The following KCP variants were observed in gnomAD, a reference collection of about 807,000 sequenced individuals.
The protein encoded by KCP is kielin/chordin-like protein.
In KCP, 194 loss-of-function variants were observed where a neutral mutation model predicts 212.7. The ratio of observed to expected loss-of-function variants is 0.91; its 90% CI spans 0.81 to 1.03. The LOEUF is 1.03. KCP is among the 50% of genes least tolerant of loss of function. The pLI, the probability that KCP is intolerant of heterozygous loss-of-function variation, is 0.00. For missense variants in KCP, 2,080 were observed against 2,162.5 expected (o/e 0.96, Z 0.76); for synonymous variants, 833 against 865.3 (o/e 0.96, Z 0.65).
chr7:128,892,416 A>T, intron 16 of KCP, 98 bp downstream of exon 16: 1 of 852,282 alleles, frequency 1.2e-6, no homozygotes, highest in Non-Finnish European at 1.8e-6. Context: ...ACAATTCAGA[A>T]GGCCATTGCT....
Position 128,877,063 on chromosome 7 carries a change from C to T in KCP, c.4867G>A (p.Glu1623Lys). The change falls in exon 40 of 40, where the codon GAG becomes AAG. Residue 1623 changes from glutamate (E) to lysine (K), a missense_variant. Transcript: ENST00000610776. ...CTGGCTCAGGGTGTCTCCTGGGGCT[C>T]CCGGCTGGGGCTGGGCCGAGCACCA... ...PLGARPSPSR[E>K]PQETP 1 of 1,528,694 alleles carries T rather than the reference C, an allele frequency of 6.5e-7. No individual in the cohort carries two copies. 94.7% of individuals were successfully genotyped at this position (1,528,694 alleles called of 1,614,324 possible).
In KCP at chr7:128,877,668, G is replaced by A. The variant is rs1234609116; in HGVS notation, c.4434C>T (p.Ser1478=). 68 of 1,551,420 alleles carry A rather than the reference G, an allele frequency of 4.4e-5. No individual in the cohort carries two copies. Among genetic ancestry groups the A allele is most frequent in the Non-Finnish European group, 5.5e-5 (63 of 1,146,992 alleles). ...CCACAGCATGGCAGCGACTGAATGG[G>A]GAGGACTTCAGCACCCCACACCGGG... ...ANARCGVLKS[S]PFSRCHAVVP... is the part of the protein sequence containing the mutation. The change falls in exon 39 of 40, where the codon TCC becomes TCT. Residue 1478 remains serine (S), a synonymous_variant. Coordinates refer to ENST00000610776, the MANE Select transcript of KCP (RefSeq NM_001366122.1).
chr7:128,890,575 T>C (rs1794035054), intron 20 of KCP, 62 bp from the exon 21 acceptor site: 4 of 1,198,288 alleles, frequency 3.3e-6, no homozygotes, highest in Non-Finnish European at 4.3e-6. Context: ...GACTTGGTGG[T>C]CGTGGGGTTG....
chr7:128,906,810 G>T (rs1050641875), intron 4 of KCP, among the ~76,000 whole-genome samples: 1 of 148,924 alleles, frequency 6.7e-6, no homozygotes, highest in Non-Finnish European at 1.5e-5. Context: ...TGCGGTTTTT[G>T]CCATTAAAAG....
At chr7:128,887,135 T>A in intron 23 of KCP, 80 bp downstream of exon 23, 2 of 1,284,562 alleles carry the variant, frequency 1.6e-6, no homozygotes, top group Non-Finnish European at 2.2e-6. Flanking sequence ...GCCACCTGAG[T>A]GGAGGAGACA....
At position 128,876,979 on chromosome 7, in the gene KCP, G is replaced by GT; in HGVS notation, c.*63dup. On this transcript the variant is annotated 3_prime_UTR_variant, in exon 40 of 40. Transcript: ENST00000610776. ...CATTCTCTCCATAGCCCTAACCAGG[G>GT]TGGGAACTGCTCGCCAAGGGGAGAC... 3.3e-6 allele frequency: 5 copies of GT among 1,514,120 alleles called. No individual in the cohort carries two copies. Among genetic ancestry groups the GT allele is most frequent in the Non-Finnish European group, 4.4e-6 (5 of 1,133,718 alleles). 93.8% of individuals were successfully genotyped at this position (1,514,120 alleles called of 1,614,324 possible).
In KCP at chr7:128,879,550, A is replaced by C; in HGVS notation, c.4118T>G (p.Val1373Gly). Residue 1373 changes from valine to glycine, a missense_variant, in exon 37 of 40, where the codon GTG (valine) becomes GGG (glycine). By Grantham distance (109) the Val-to-Gly change is moderately radical. Coordinates refer to ENST00000610776, the MANE Select transcript of KCP (RefSeq NM_001366122.1). ...GAGCCCGGGCTGGGCGTGCAGGATC[A>C]CAGTGTGTCCTCGCAGCTCCACATA... ...LLYVELRGHT[V>G]ILHAQPGLQV... is the part of the protein sequence containing the mutation. The C allele has an allele frequency of 2.6e-6, 4 of 1,550,122 alleles. No homozygotes were observed. The highest frequency in any genetic ancestry group is 3.5e-6 in the Non-Finnish European group (4 of 1,146,794).
chr7:128,909,946 C>T (rs1197512990), intron 1 of KCP, among the ~76,000 whole-genome samples: 1 of 152,192 alleles, frequency 6.6e-6, no homozygotes, highest in African/African-American at 2.4e-5. Context: ...GTCTCAGCAT[C>T]TGAAACCTTC....
Position 128,894,300 on chromosome 7 carries a change from G to T in KCP, c.832-7C>A. ...GGCACTGGATGTGACCCTCCTGGTGGGGAGAATGAACAGGGGAAGGGGCCG... is the reference window on the plus strand; with the variant it reads ...GGCACTGGATGTGACCCTCCTGGTGTGGAGAATGAACAGGGGAAGGGGCCG... On this transcript the variant is annotated splice_polypyrimidine_tract_variant and splice_region_variant and intron_variant, in intron 8 of 39. Coordinates refer to ENST00000610776, the MANE Select transcript of KCP (RefSeq NM_001366122.1). 1.3e-6 allele frequency: 2 copies of T among 1,530,368 alleles called. No individual in the cohort carries two copies. The highest frequency in any genetic ancestry group is 8.8e-7 in the Non-Finnish European group (1 of 1,134,126). 94.8% of individuals were successfully genotyped at this position (1,530,368 alleles called of 1,614,324 possible). A position where few individuals can be genotyped will look rare whatever the true frequency, so the allele number is the denominator to read the frequency against.
chr7:128,882,013 G>T lies in KCP; in HGVS notation c.3248C>A (p.Ala1083Asp). The T allele has an allele frequency of 6.4e-7, 1 of 1,550,870 alleles. No homozygotes were observed. The highest frequency in any genetic ancestry group is 8.7e-7 in the Non-Finnish European group (1 of 1,146,732). ...PQHCCPTCAE[A>D]LSNCSEGLLG... ...CAGGCCCTCTGAACAGTTACTCAAG[G>T]CCTCTGTGAAGACAAGAATCCAGAG... The change falls in exon 30 of 40, where the codon GCC becomes GAC. Residue 1083 changes from alanine (A) to aspartate (D), a missense_variant. Coordinates refer to ENST00000610776, the MANE Select transcript of KCP (RefSeq NM_001366122.1).
chr7:128,879,107 A>G (rs1793163216), intron 37 of KCP: 3 of 342,098 alleles, frequency 8.8e-6, no homozygotes, highest in Non-Finnish European at 5.4e-6. Flanking sequence ...CCCTTATTCT[A>G]CGAATTTACG....
chr7:128,904,101 G>A lies in KCP; in HGVS notation c.609C>T (p.Val203=). The A allele has an allele frequency of 6.4e-7, 1 of 1,551,688 alleles. No homozygotes were observed. Residue 203 remains valine, a synonymous_variant, in exon 6 of 40, where the codon GTC becomes GTT. Transcript: ENST00000610776. The part of the protein sequence containing the change: ...DYEGQLYEEG[V]TFLSSSNPCL... The stretch of plus-strand genomic sequence containing the variant: ...AAGGGTTGGAGCTGGACAGGAAGGT[G>A]ACCCCCTCCTCATAAAGCTGCCCCT...
chr7:128,894,153 C>T (rs1243181983), intron 9 of KCP, 47 bp downstream of exon 9: 1 of 1,508,380 alleles, frequency 6.6e-7, no homozygotes, highest in Non-Finnish European at 8.9e-7. Context: ...TCAATTTTCT[C>T]CAGGTTGCCC....
intron 8 of KCP, among the ~76,000 whole-genome samples, chr7:128,897,053 G>A (rs1794574845): frequency 1.3e-5 from 2 of 152,138 alleles, no homozygotes; most frequent in Admixed American, 6.6e-5. Flanking sequence ...CAAGCTGGGT[G>A]AATGAATAGT....
In KCP at chr7:128,880,139, C is replaced by A. The variant is rs746521377; in HGVS notation, c.3760-54G>T. 15 of 1,461,980 alleles carry A rather than the reference C, an allele frequency of 1.0e-5. No individual in the cohort carries two copies. The East Asian group carries it at 3.7e-4, about 36-fold the overall frequency. The allele number at this position is 1,461,980 out of a possible 1,614,324, so 90.6% of individuals were successfully genotyped here. On this transcript the variant is annotated intron_variant, in intron 34 of 39. Coordinates refer to ENST00000610776, the MANE Select transcript of KCP (RefSeq NM_001366122.1). Reference sequence around the variant, plus strand: ...ACACCGCCCTCCCCGCCATGCCTCTCGCAGACCCTCCCAGAAAACCAAGCA... The same window carrying A: ...ACACCGCCCTCCCCGCCATGCCTCTAGCAGACCCTCCCAGAAAACCAAGCA...
chr7:128,903,483 G>T, intron 7 of KCP: 1 of 567,692 alleles, frequency 1.8e-6, no homozygotes, highest in Non-Finnish European at 3.1e-6. Context: ...GCACAAAGTA[G>T]AAAGCAAACA....
At chr7:128,903,491 A>C (rs1794964056) in intron 7 of KCP, 1 of 572,548 alleles carries the variant, frequency 1.7e-6, no homozygotes, top group South Asian at 2.2e-5. Context: ...TAGAAAGCAA[A>C]CATTTATTAA....
In KCP at chr7:128,886,645, C is replaced by T; in HGVS notation, c.2772+10G>A. 1 of 1,551,474 alleles carries T rather than the reference C, an allele frequency of 6.4e-7. No individual in the cohort carries two copies. Among genetic ancestry groups the T allele is most frequent in the Non-Finnish European group, 8.7e-7 (1 of 1,146,880 alleles). ...AGCTGTCACTCCACACCCCCCACCT[C>T]CTGCTATACCTGACAGCGACACCAC... On this transcript the variant is annotated intron_variant, in intron 25 of 39. Transcript: ENST00000610776.
At chr7:128,879,336 A>G in intron 37 of KCP, 186 bp downstream of exon 37, 1 of 590,938 alleles carries the variant, frequency 1.7e-6, no homozygotes, top group Non-Finnish European at 3.0e-6. Context: ...CAGAACTCAG[A>G]ACTCCTCTGA....
Sources: allele counts gnomAD v4.1 joint callset (sites outside exome capture counted in the v4.1 genomes callset), GRCh38; gene constraint gnomAD v4.1.1; transcripts MANE v1.5; gene names NCBI Gene and HGNC (gene_info 2026-07-23, HGNC 2026-07-21).